The following RAB7A variants were observed in gnomAD, a reference collection of about 807,000 sequenced individuals.
RAB7A encodes ras-related protein Rab-7a.
Under a neutral mutation model 24.5 loss-of-function variants are expected in RAB7A, and 2 were observed. That is an observed-to-expected ratio of 0.08 (90% CI 0.03 to 0.26). The LOEUF is 0.26. Ranked by LOEUF, RAB7A falls within the 10% of genes least tolerant of loss-of-function variation. RAB7A has a pLI of 1.00. For synonymous variants in RAB7A, 100 were observed against 95.9 expected (o/e 1.04, Z -0.25); for missense variants, 118 against 255.7 (o/e 0.46, Z 3.67).
rs766818777 is a variant in RAB7A, at chr3:128,813,332, G to A, written c.534G>A (p.Thr178=). 5.6e-6 allele frequency: 9 copies of A among 1,613,650 alleles called. No homozygotes were observed. The highest frequency in any genetic ancestry group is 3.3e-5 in the South Asian group (3 of 91,064). The change falls in exon 6 of 6, where the codon ACG becomes ACA. Residue 178 remains threonine (T), a synonymous_variant. Coordinates refer to ENST00000265062, the MANE Select transcript of RAB7A (RefSeq NM_004637.6). ...TTCTCTGTTTCCTTGTCCAGGAAACGGAGGTGGAGCTGTACAACGAATTTC... is the reference window on the plus strand; with the variant it reads ...TTCTCTGTTTCCTTGTCCAGGAAACAGAGGTGGAGCTGTACAACGAATTTC... ...TIARNALKQE[T]EVELYNEFPE... is the part of the protein sequence containing the mutation.
intron 3 of RAB7A, 69 bp downstream of exon 3, chr3:128,798,138 A>G (rs1933612879): frequency 7.7e-6 from 12 of 1,568,252 alleles, no homozygotes; most frequent in Admixed American, 1.7e-5. Context: ...TTCCTCATGC[A>G]TAGACATTTT....
rs544884609 is a variant in RAB7A at position 128,760,733 on chromosome 3, C to A, written c.-9+34374C>A. On this transcript the variant is annotated intron_variant, in intron 1 of 5. Coordinates refer to ENST00000265062, the MANE Select transcript of RAB7A (RefSeq NM_004637.6). ...GCTAGCAAGAGCTGCAGAAAAACAG[C>A]CTCTAGCTTAAACTGAGTTATAAAC... Among the ~76,000 whole-genome samples the A allele has an allele frequency of 2.0e-5, 3 of 152,306 alleles. No homozygotes were observed. The East Asian group carries it at 5.8e-4, about 29-fold the overall frequency.
At chr3:128,806,634 C>T (rs1441423347) in intron 4 of RAB7A, 44 bp downstream of exon 4, 5 of 1,562,894 alleles carry the variant, frequency 3.2e-6, no homozygotes, top group Non-Finnish European at 4.4e-6. Flanking sequence ...CACCTGCTCC[C>T]CAGGGGCCTT....
intron 1 of RAB7A, chr3:128,764,343 C>T (rs112358660): frequency 2.2e-4 from 131 of 596,686 alleles, no homozygotes; most frequent in African/African-American, 2.2e-3. Context: ...TGGTACAAAT[C>T]GAAGAACTTA....
chr3:128,805,010 T>C (rs1391298658), intron 3 of RAB7A, among the ~76,000 whole-genome samples: 3 of 152,124 alleles, frequency 2.0e-5, no homozygotes, highest in Non-Finnish European at 4.4e-5. Flanking sequence ...GAGTATCACA[T>C]GTGCAGTCTA....
chr3:128,758,065 C>A lies in RAB7A; in HGVS notation c.-9+31706C>A, dbSNP rs2107594724. Among the ~76,000 whole-genome samples the A allele has an allele frequency of 2.6e-5, 4 of 152,170 alleles. No homozygotes were observed. The Middle Eastern group carries it at 0.014, about 518-fold the overall frequency. On this transcript the variant is annotated intron_variant, in intron 1 of 5. Coordinates refer to ENST00000265062, the MANE Select transcript of RAB7A (RefSeq NM_004637.6). ...CTAACTTCAAAGTTCTGGGCTCAAG[C>A]AGTCTTCTGTCCTTGGCTTCGCAAA...
chr3:128,751,079 T>C (rs1020081411), intron 1 of RAB7A, among the ~76,000 whole-genome samples: 2 of 152,148 alleles, frequency 1.3e-5, no homozygotes, highest in African/African-American at 4.8e-5. Context: ...AGAGGATGCA[T>C]TGAAATGCCT....
At chr3:128,778,676 A>T (rs2107604133) in intron 1 of RAB7A, among the ~76,000 whole-genome samples, 1 of 152,368 alleles carries the variant, frequency 6.6e-6, no homozygotes, top group Non-Finnish European at 1.5e-5. Flanking sequence ...TTCTTAAAGC[A>T]TCAACTTGTT....
At chr3:128,750,163 A>G (rs2070662494) in intron 1 of RAB7A, among the ~76,000 whole-genome samples, 1 of 152,220 alleles carries the variant, frequency 6.6e-6, no homozygotes, top group African/African-American at 2.4e-5. Flanking sequence ...GGCTCTTGTT[A>G]TGTTTTAGCA....
chr3:128,797,958 A>T lies in RAB7A; in HGVS notation c.69A>T (p.Ser23=). The part of the protein sequence containing the change: ...ILGDSGVGKT[S]LMNQYVNKKF... Reference sequence around the variant, plus strand: ...CCAATTTCAGAGTCGGGAAGACATCACTCATGAACCAGTATGTGAATAAGA... The same window carrying T: ...CCAATTTCAGAGTCGGGAAGACATCTCTCATGAACCAGTATGTGAATAAGA... The change falls in exon 3 of 6, where the codon TCA becomes TCT. Residue 23 remains serine (S), a synonymous_variant. Transcript: ENST00000265062. 6.2e-7 allele frequency: 1 copy of T among 1,613,868 alleles called. No individual in the cohort carries two copies. Among genetic ancestry groups the T allele is most frequent in the Non-Finnish European group, 8.5e-7 (1 of 1,179,782 alleles).
At chr3:128,782,769 G>T (rs1395756973) in intron 1 of RAB7A, among the ~76,000 whole-genome samples, 1 of 152,052 alleles carries the variant, frequency 6.6e-6, no homozygotes, top group Non-Finnish European at 1.5e-5. Flanking sequence ...ATTACCAAAG[G>T]ATCACAGGTC....
chr3:128,768,142 G>A (rs1304758092), intron 1 of RAB7A, among the ~76,000 whole-genome samples: 2 of 151,984 alleles, frequency 1.3e-5, no homozygotes, highest in African/African-American at 4.8e-5. Context: ...GCATTTTCTG[G>A]TATTTTGTAT....
At chr3:128,737,828 T>A (rs1382128867) in intron 1 of RAB7A, among the ~76,000 whole-genome samples, 3 of 65,756 alleles carry the variant, frequency 4.6e-5, no homozygotes, top group African/African-American at 2.0e-4. Flanking sequence ...TTTTGTAGTT[T>A]TTTTTTTTTT....
At chr3:128,730,731 A>T (rs1014646220) in intron 1 of RAB7A, among the ~76,000 whole-genome samples, 9 of 152,198 alleles carry the variant, frequency 5.9e-5, no homozygotes, top group Admixed American at 1.3e-4. Flanking sequence ...GGAGGAAGAA[A>T]GCTTGGGAGT....
At position 128,813,798 on chromosome 3, in the gene RAB7A, C is replaced by T. The variant is rs1290444492; in HGVS notation, c.*376C>T. The T allele has an allele frequency of 6.1e-6, 2 of 326,030 alleles. No homozygotes were observed. Among genetic ancestry groups the T allele is most frequent in the Non-Finnish European group, 6.1e-6 (1 of 164,992 alleles). The allele number at this position is 326,030 out of a possible 1,614,324, so 20.2% of individuals were successfully genotyped here. A position where few individuals can be genotyped will look rare whatever the true frequency, so the allele number is the denominator to read the frequency against. On this transcript the variant is annotated 3_prime_UTR_variant, in exon 6 of 6. Coordinates refer to ENST00000265062, the MANE Select transcript of RAB7A (RefSeq NM_004637.6). ...CACTGGAGAGAGAGAGAACTGTTTA[C>T]AGTTAATCTGTGTCTAATTATCTGA...
intron 5 of RAB7A, among the ~76,000 whole-genome samples, chr3:128,811,848 CAA>C (rs879327864): frequency 1.0e-4 from 11 of 107,242 alleles, no homozygotes; most frequent in Non-Finnish European, 8.0e-5. Flanking sequence ...GACTCTGCCT[CAA>C]AAAAAAAAAA....
intron 1 of RAB7A, among the ~76,000 whole-genome samples, chr3:128,783,183 C>T (rs139681258): frequency 3.9e-5 from 6 of 152,040 alleles, no homozygotes; most frequent in African/African-American, 1.2e-4. Flanking sequence ...GGAGAGAATA[C>T]CTTCAAGGAG....
At chr3:128,781,738 C>G (rs75404120) in intron 1 of RAB7A, among the ~76,000 whole-genome samples, 1 of 151,068 alleles carries the variant, frequency 6.6e-6, no homozygotes, top group Non-Finnish European at 1.5e-5. Flanking sequence ...TGGTTGTGGC[C>G]GGGCACGGTG....
At chr3:128,795,751 C>CTTTTTTTTTTGTTTTTTTTTTTTTTT (rs1933555955) in intron 2 of RAB7A, among the ~76,000 whole-genome samples, 1 of 43,032 alleles carries the variant, frequency 2.3e-5, no homozygotes. Flanking sequence ...AGCAGATGTG[C>CTTTTTTTTTTGTTTTTTTTTTTTTTT]TTTTTTTTTT....
Sources: gnomAD v4.1 joint callset for allele counts (sites outside exome capture counted in the v4.1 genomes callset) on GRCh38, gnomAD v4.1.1 for gene constraint, MANE v1.5 for transcripts, NCBI Gene and HGNC (gene_info 2026-07-23, HGNC 2026-07-21) for gene names.